Variants in CNTNAP3B observed in about 807,000 individuals in gnomAD.
The protein encoded by CNTNAP3B is contactin-associated protein-like 3B.
A neutral mutation model predicts 108.9 loss-of-function variants in CNTNAP3B; 25 were observed. That is an observed-to-expected ratio of 0.23 (90% CI 0.17 to 0.32). CNTNAP3B has a LOEUF of 0.32. Among genes scored for constraint, CNTNAP3B ranks in the 10% least tolerant of loss-of-function variants. CNTNAP3B has a pLI of 1.00. For synonymous variants in CNTNAP3B, 103 were observed against 473.4 expected, an observed-to-expected ratio of 0.22 and a Z score of 10.16; for missense variants, 252 against 1,210.4, an observed-to-expected ratio of 0.21 and a Z score of 11.75.
intron 3 of CNTNAP3B, among the ~76,000 whole-genome samples, chr9:42,064,251 T>C (rs1285738180): frequency 1.3e-5 from 2 of 150,180 alleles, no homozygotes; most frequent in East Asian, 3.9e-4. Context: ...CAGAAATTTA[T>C]TTGTAACAGT....
In CNTNAP3B at chr9:42,122,107, G is replaced by T. The variant is rs1384088158; in HGVS notation, c.85+6903C>A. Among the ~76,000 whole-genome samples, 20 of 139,500 alleles carry T rather than the reference G, an allele frequency of 1.4e-4. 3 individuals carry two copies. The highest frequency in any genetic ancestry group is 5.4e-4 in the African/African-American group (19 of 35,362). The allele number at this position is 139,500 out of a possible 152,430, so 91.5% of individuals were successfully genotyped here. A position where few individuals can be genotyped will look rare whatever the true frequency, so the allele number is the denominator to read the frequency against. ...AAGTTTTCTATGGGCAGCAGGCTTT[G>T]CTTGCCCTTTGGCAACACTGCTGAA... On this transcript the variant is annotated intron_variant, in intron 1 of 23. Transcript: ENST00000377561.
chr9:42,032,485 A>G lies in CNTNAP3B; in HGVS notation c.391-18960T>C, dbSNP rs1290846189. Among the ~76,000 whole-genome samples, 3 of 130,040 alleles carry G rather than the reference A, an allele frequency of 2.3e-5. 1 individual carries two copies. Among genetic ancestry groups the G allele is most frequent in the Non-Finnish European group, 4.8e-5 (3 of 62,438 alleles). The allele number at this position is 130,040 out of a possible 152,430, so 85.3% of individuals were successfully genotyped here. ...ATGGAGGGGATAATGGTAGACAAAG[A>G]GAAGCATTTGGGTGAATCGTTTATA... On this transcript the variant is annotated intron_variant, in intron 3 of 23. Transcript: ENST00000377561.
In CNTNAP3B at chr9:42,080,219, G is replaced by T. The variant is rs1827585068; in HGVS notation, c.197-3157C>A. ...GGCATCCCTCACAGTTTGTTAGTTTGTTGGTGTTCATGGTTGCACTCCTGC... is the reference window on the plus strand; with the variant it reads ...GGCATCCCTCACAGTTTGTTAGTTTTTTGGTGTTCATGGTTGCACTCCTGC... On this transcript the variant is annotated intron_variant, in intron 2 of 23. Transcript: ENST00000377561. 1.5e-5 allele frequency among the ~76,000 whole-genome samples: 2 copies of T among 136,864 alleles called. 1 individual carries two copies. Among genetic ancestry groups the T allele is most frequent in the Admixed American group, 1.5e-4 (2 of 13,736 alleles). 89.8% of individuals were successfully genotyped at this position (136,864 alleles called of 152,430 possible). A position where few individuals can be genotyped will look rare whatever the true frequency, so the allele number is the denominator to read the frequency against.
chr9:41,948,080 TG>T (rs1414835474), intron 13 of CNTNAP3B, among the ~76,000 whole-genome samples: 2 of 151,720 alleles, frequency 1.3e-5, no homozygotes, highest in Non-Finnish European at 2.9e-5. Flanking sequence ...GAATTCTTTT[TG>T]TTTTGTTTTG....
At chr9:41,953,098 C>T (rs1448242030) in intron 13 of CNTNAP3B, 85 bp downstream of exon 13, 8 of 1,340,038 alleles carry the variant, frequency 6.0e-6, no homozygotes, top group Non-Finnish European at 6.9e-6. Context: ...GGGACCCTGG[C>T]CTTTTCTCCC....
chr9:41,954,501 C>T (rs2118158819), intron 12 of CNTNAP3B, among the ~76,000 whole-genome samples: 1 of 152,374 alleles, frequency 6.6e-6, no homozygotes, highest in Non-Finnish European at 1.5e-5. Context: ...GGTGTGATAC[C>T]CACAAATGAG....
chr9:42,045,624 T>C, intron 3 of CNTNAP3B, among the ~76,000 whole-genome samples: 1 of 147,186 alleles, frequency 6.8e-6, no homozygotes, highest in Middle Eastern at 3.2e-3. Context: ...ACTGCAGCAT[T>C]ATCCACAATA....
In CNTNAP3B at chr9:42,074,992, C is replaced by T. The variant is rs1311783064; in HGVS notation, c.390+1877G>A. ...GTCCAAGATCAAGGTGTCTGCCGGCCGTGCTGCCTCCGGAGGCTCTAGGGA... is the reference window on the plus strand; with the variant it reads ...GTCCAAGATCAAGGTGTCTGCCGGCTGTGCTGCCTCCGGAGGCTCTAGGGA... On this transcript the variant is annotated intron_variant, in intron 3 of 23. Transcript: ENST00000377561. 4.1e-5 allele frequency among the ~76,000 whole-genome samples: 6 copies of T among 146,738 alleles called. 1 individual carries two copies. The highest frequency in any genetic ancestry group is 1.1e-4 in the African/African-American group (4 of 37,864).
rs1462222895 is a variant in CNTNAP3B, at chr9:42,022,096, T to C, written c.391-8571A>G. On this transcript the variant is annotated intron_variant, in intron 3 of 23. Transcript: ENST00000377561. ...CCTAAATTCTGCTAAAATACAGACA[T>C]AAATGATTGTTAGCCATTTGTCCAG... Among the ~76,000 whole-genome samples, 4 of 136,208 alleles carry C rather than the reference T, an allele frequency of 2.9e-5. 1 individual carries two copies. The highest frequency in any genetic ancestry group is 1.2e-4 in the African/African-American group (4 of 33,822). The allele number at this position is 136,208 out of a possible 152,430, so 89.4% of individuals were successfully genotyped here. A position where few individuals can be genotyped will look rare whatever the true frequency, so the allele number is the denominator to read the frequency against.
intron 10 of CNTNAP3B, among the ~76,000 whole-genome samples, chr9:41,969,322 G>A (rs1438136378): frequency 1.3e-5 from 2 of 149,720 alleles, no homozygotes; most frequent in South Asian, 4.3e-4. Context: ...ATATTTCATT[G>A]AGTATGTCCT....
At chr9:41,988,238 A>ATTTTTT (rs1209677991) in intron 8 of CNTNAP3B, among the ~76,000 whole-genome samples, 1 of 25,886 alleles carries the variant, frequency 3.9e-5, no homozygotes, top group African/African-American at 1.2e-4. Context: ...CCTTCTTTGA[A>ATTTTTT]TTTTTTTTTT....
chr9:42,024,860 C>T (rs925060026), intron 3 of CNTNAP3B, among the ~76,000 whole-genome samples: 4 of 144,220 alleles, frequency 2.8e-5, no homozygotes, highest in Non-Finnish European at 6.1e-5. Flanking sequence ...GCTAATAAAG[C>T]TTCAGACTCA....
In CNTNAP3B at chr9:41,922,173, C is replaced by T. The variant is rs560969139; in HGVS notation, c.2755+504G>A. On this transcript the variant is annotated intron_variant, in intron 17 of 23. Transcript: ENST00000377561. ...CAATACCTAAACATTGATACCTAAA[C>T]ACTGAGATACTGCAGGGCCCGGTGG... is the stretch of plus-strand genomic sequence containing the variant. Among the ~76,000 whole-genome samples, 141 of 133,792 alleles carry T rather than the reference C, an allele frequency of 1.1e-3. 2 individuals are homozygous for T. The highest frequency in any genetic ancestry group is 2.0e-3 in the African/African-American group (67 of 33,104). 87.8% of individuals were successfully genotyped at this position (133,792 alleles called of 152,430 possible).
At chr9:41,943,438 C>G (rs1285807357) in intron 13 of CNTNAP3B, among the ~76,000 whole-genome samples, 1 of 151,060 alleles carries the variant, frequency 6.6e-6, no homozygotes, top group African/African-American at 2.4e-5. Flanking sequence ...CTGCAAGCTC[C>G]GCCTCCTGGG....
intron 3 of CNTNAP3B, among the ~76,000 whole-genome samples, chr9:42,028,754 T>G (rs1393425243): frequency 6.7e-6 from 1 of 150,176 alleles, no homozygotes; most frequent in Non-Finnish European, 1.5e-5. Flanking sequence ...GTTTGGCATT[T>G]TTATATAAAA....
At chr9:41,930,485 G>A (rs1397402180) in intron 14 of CNTNAP3B, among the ~76,000 whole-genome samples, 9 of 152,228 alleles carry the variant, frequency 5.9e-5, no homozygotes, top group Admixed American at 5.9e-4. Context: ...AGAGGCTGTA[G>A]TGAGCCATGT....
intron 13 of CNTNAP3B, among the ~76,000 whole-genome samples, chr9:41,944,952 G>A (rs1464213213): frequency 1.8e-3 from 268 of 151,114 alleles, no homozygotes; most frequent in African/African-American, 5.5e-3. Flanking sequence ...AAAAGTGGGC[G>A]AAGTATATGA....
chr9:41,953,712 TC>T (rs1208764918), intron 12 of CNTNAP3B, among the ~76,000 whole-genome samples: 1 of 150,138 alleles, frequency 6.7e-6, no homozygotes, highest in Non-Finnish European at 1.5e-5. Flanking sequence ...TGGACCTTTA[TC>T]TTTTTAAACT....
At position 41,995,471 on chromosome 9, in the gene CNTNAP3B, T is replaced by C. The variant is rs1300001803; in HGVS notation, c.1071+734A>G. Among the ~76,000 whole-genome samples, 4 of 127,086 alleles carry C rather than the reference T, an allele frequency of 3.1e-5. 1 individual carries two copies. The highest frequency in any genetic ancestry group is 1.6e-4 in the Admixed American group (2 of 12,552). The allele number at this position is 127,086 out of a possible 152,430, so 83.4% of individuals were successfully genotyped here. On this transcript the variant is annotated intron_variant, in intron 7 of 23. Coordinates refer to ENST00000377561, the MANE Select transcript of CNTNAP3B (RefSeq NM_001201380.3). ...AAAACAAAAACAAAAACAAAAAAAG[T>C]GCGCCTGTGGTCCTATCACTTTGGG...
Sources: gnomAD v4.1 joint callset for allele counts (sites outside exome capture counted in the v4.1 genomes callset) on GRCh38, gnomAD v4.1.1 for gene constraint, MANE v1.5 for transcripts, NCBI Gene and HGNC (gene_info 2026-07-23, HGNC 2026-07-21) for gene names.